The following SPAG17 variants were observed in gnomAD, a reference collection of about 807,000 sequenced individuals.
SPAG17 encodes sperm associated antigen 17, also known as sperm-associated antigen 17.
Under a neutral mutation model 273.6 loss-of-function variants are expected in SPAG17, and 169 were observed. The ratio of observed to expected loss-of-function variants is 0.62; its 90% CI spans 0.55 to 0.70. The LOEUF is 0.70. Among genes scored for constraint, SPAG17 ranks in the 30% least tolerant of loss-of-function variants. The pLI is 0.00. For missense variants in SPAG17, 2,557 were observed against 2,627.8 expected (o/e 0.97, Z 0.59); for synonymous variants, 825 against 873.2 (o/e 0.94, Z 0.97).
chr1:118,008,307 A>C, intron 30 of SPAG17, 109 bp from the exon 31 acceptor site: 1 of 1,269,176 alleles, frequency 7.9e-7, no homozygotes, highest in Non-Finnish European at 1.1e-6. Flanking sequence ...TTCCCCATGG[A>C]AAAAACACAA....
chr1:118,103,840 AGTGTGTGT>A (rs60797775), intron 4 of SPAG17, among the ~76,000 whole-genome samples: 3 of 136,386 alleles, frequency 2.2e-5, no homozygotes, highest in African/African-American at 8.3e-5. Context: ...GGGAAAATGT[AGTGTGTGT>A]GTGTGTGTGT....
intron 48 of SPAG17, among the ~76,000 whole-genome samples, chr1:117,957,417 CATG>C (rs138600052): frequency 0.026 from 3,921 of 152,280 alleles, 163 homozygotes; most frequent in African/African-American, 0.087. Flanking sequence ...AAACAAGGAT[CATG>C]ATGACCCACC....
intron 44 of SPAG17, 76 bp downstream of exon 44, chr1:117,973,349 T>A: frequency 6.5e-7 from 1 of 1,544,558 alleles, no homozygotes; most frequent in Non-Finnish European, 8.8e-7. Context: ...AGGAGCAGGA[T>A]TGAAAAAAAT....
At position 118,122,015 on chromosome 1, in the gene SPAG17, T is replaced by C. The variant is rs984361739; in HGVS notation, c.316-6574A>G. Among the ~76,000 whole-genome samples, 3 of 152,230 alleles carry C rather than the reference T, an allele frequency of 2.0e-5. No homozygotes were observed. In the East Asian group the frequency reaches 5.8e-4, roughly 29 times the overall value. On this transcript the variant is annotated intron_variant, in intron 3 of 48. Transcript: ENST00000336338. The stretch of plus-strand genomic sequence containing the variant: ...GCAATTTATTCATCATAGTAAGCTA[T>C]GTTGCCATATATTCTATCTTTAAAG...
intron 1 of SPAG17, among the ~76,000 whole-genome samples, chr1:118,182,006 C>T (rs1205367840): frequency 6.6e-6 from 1 of 151,958 alleles, no homozygotes; most frequent in Non-Finnish European, 1.5e-5. Context: ...GTACACATAC[C>T]CAAATGATTT....
At chr1:118,005,938 C>A (rs764860881) in intron 31 of SPAG17, among the ~76,000 whole-genome samples, 1 of 152,026 alleles carries the variant, frequency 6.6e-6, no homozygotes, top group African/African-American at 2.4e-5. Flanking sequence ...TCATCCTATT[C>A]TAAATGTTTG....
intron 47 of SPAG17, chr1:117,966,080 G>C (rs1303688805): frequency 3.3e-5 from 5 of 152,196 alleles, no homozygotes; most frequent in Non-Finnish European, 4.4e-5. Context: ...AATAAAATGT[G>C]AAGACTTTAT....
chr1:117,957,117 A>T, intron 48 of SPAG17: 1 of 1,611,188 alleles, frequency 6.2e-7, no homozygotes, highest in Non-Finnish European at 8.5e-7. Flanking sequence ...TGTCCCAGAC[A>T]TTCTTAAACT....
intron 8 of SPAG17, 144 bp from the exon 9 acceptor site, chr1:118,092,146 C>T: frequency 1.4e-6 from 1 of 708,142 alleles, no homozygotes; most frequent in South Asian, 1.8e-5. Flanking sequence ...AATATTAGAA[C>T]CAAAGGAAAA....
chr1:118,162,246 T>G (rs1404845143), intron 1 of SPAG17, among the ~76,000 whole-genome samples: 1 of 151,812 alleles, frequency 6.6e-6, no homozygotes, highest in Non-Finnish European at 1.5e-5. Context: ...CCTAATAGAG[T>G]CCTTACAATA....
chr1:118,012,379 A>T lies in SPAG17; in HGVS notation c.4288-7T>A. 1 of 1,612,470 alleles carries T rather than the reference A, an allele frequency of 6.2e-7. No individual in the cohort carries two copies. The highest frequency in any genetic ancestry group is 1.1e-5 in the South Asian group (1 of 90,748). On this transcript the variant is annotated splice_region_variant and splice_polypyrimidine_tract_variant and intron_variant, in intron 29 of 48. Transcript: ENST00000336338. ...CTTCTCGAGTTGTCATAACCTGAAC[A>T]TGAAGAGGCAGGACATAATCATTTG... is the stretch of plus-strand genomic sequence containing the variant.
intron 4 of SPAG17, among the ~76,000 whole-genome samples, chr1:118,103,746 T>G (rs904147963): frequency 7.9e-5 from 12 of 152,064 alleles, no homozygotes; most frequent in Admixed American, 6.6e-4. Context: ...GAGAACACTT[T>G]CATAAGTAGG....
rs554364350 is a variant in SPAG17, at chr1:118,146,236, C to T, written c.315+4307G>A. On this transcript the variant is annotated intron_variant, in intron 3 of 48. Coordinates refer to ENST00000336338, the MANE Select transcript of SPAG17 (RefSeq NM_206996.4). ...GTCACAACTGGGAGAATCTTGGCAT[C>T]TATGGTACACGTAGAACTCTCTCAT... Among the ~76,000 whole-genome samples the T allele has an allele frequency of 9.4e-4, 143 of 152,290 alleles. 1 individual carries two copies. The highest frequency in any genetic ancestry group is 3.2e-3 in the African/African-American group (134 of 41,570).
At chr1:118,093,577 T>C (rs1655523563) in intron 7 of SPAG17, among the ~76,000 whole-genome samples, 1 of 152,226 alleles carries the variant, frequency 6.6e-6, no homozygotes. Flanking sequence ...GCCTAATTAA[T>C]GCTTCAACTA....
At chr1:117,983,402 T>C (rs1656054279) in intron 42 of SPAG17, among the ~76,000 whole-genome samples, 1 of 152,220 alleles carries the variant, frequency 6.6e-6, no homozygotes, top group South Asian at 2.1e-4. Flanking sequence ...ACTCACTTAC[T>C]GCTAGGTTGT....
At chr1:117,994,384 C>A (rs1484188708) in intron 35 of SPAG17, 22 bp downstream of exon 35, 1 of 1,606,484 alleles carries the variant, frequency 6.2e-7, no homozygotes, top group Non-Finnish European at 8.5e-7. Context: ...AATAAAATGA[C>A]TTTTTAGAAG....
intron 3 of SPAG17, among the ~76,000 whole-genome samples, chr1:118,134,961 C>G (rs1415289162): frequency 6.6e-6 from 1 of 152,268 alleles, no homozygotes; most frequent in Admixed American, 6.5e-5. Flanking sequence ...ACTCATTGCA[C>G]CTTTTAAAAT....
In SPAG17 at chr1:118,101,890, C is replaced by G; in HGVS notation, c.484G>C (p.Gly162Arg). 1 of 1,613,544 alleles carries G rather than the reference C, an allele frequency of 6.2e-7. No homozygotes were observed. Among genetic ancestry groups the G allele is most frequent in the African/African-American group, 1.3e-5 (1 of 74,900 alleles). The part of the protein sequence containing the change: ...EDKPKLEKDK[G>R]KAKSPKEKKA... ...TTCTCCTTGGGAGATTTTGCTTTCC[C>G]TTTATCCTTTTCTAACTTAGGTTTG... Residue 162 changes from glycine to arginine, a missense_variant, in exon 5 of 49, where the codon GGG (glycine) becomes CGG (arginine). Coordinates refer to ENST00000336338, the MANE Select transcript of SPAG17 (RefSeq NM_206996.4).
intron 27 of SPAG17, 65 bp from the exon 28 acceptor site, chr1:118,023,528 G>A (rs1647359678): frequency 7.4e-6 from 11 of 1,486,594 alleles, no homozygotes; most frequent in Admixed American, 2.0e-5. Flanking sequence ...AACAATAAAC[G>A]CTGTGTGTCA....
Sources: gnomAD v4.1 joint callset for allele counts (sites outside exome capture counted in the v4.1 genomes callset) on GRCh38, gnomAD v4.1.1 for gene constraint, MANE v1.5 for transcripts, NCBI Gene and HGNC (gene_info 2026-07-23, HGNC 2026-07-21) for gene names.